The following NAA20 variants were observed in gnomAD, a reference collection of about 807,000 sequenced individuals.
NAA20 encodes N-alpha-acetyltransferase 20, NatB catalytic subunit, also known as N-alpha-acetyltransferase 20.
In NAA20, 24 loss-of-function variants were observed where a neutral mutation model predicts 23.8. The observed-to-expected ratio is 1.01, with a 90% CI of 0.73 to 1.42. The LOEUF (loss-of-function observed/expected upper bound fraction) is 1.42. Among genes scored for constraint, NAA20 ranks in the 40% most tolerant of loss-of-function variants. The pLI is 0.00. For missense variants in NAA20, 166 were observed against 223.1 expected (o/e 0.74, Z 1.63); for synonymous variants, 83 against 77.7 (o/e 1.07, Z -0.36).
chr20:20,022,508 TTGAA>T (rs767083621), intron 2 of NAA20, 28 bp downstream of exon 2: 15 of 1,464,130 alleles, frequency 1.0e-5, no homozygotes, highest in African/African-American at 4.4e-5. Flanking sequence ...AAAAAAAAAG[TTGAA>T]TGAAGATTTA....
intron 2 of NAA20, among the ~76,000 whole-genome samples, chr20:20,024,289 T>G (rs2043292520): frequency 6.6e-6 from 1 of 152,200 alleles, no homozygotes; most frequent in Admixed American, 6.5e-5. Context: ...AACATTTTTT[T>G]GAGAAACAGG....
intron 4 of NAA20, among the ~76,000 whole-genome samples, chr20:20,032,297 T>TA (rs140676287): frequency 0.074 from 11,303 of 151,858 alleles, 598 homozygotes; most frequent in Middle Eastern, 0.16. Context: ...CATGCAAACA[T>TA]AAAGTCATGT....
At chr20:20,019,615 C>T (rs950074038) in intron 1 of NAA20, among the ~76,000 whole-genome samples, 7 of 152,178 alleles carry the variant, frequency 4.6e-5, no homozygotes, top group South Asian at 2.1e-4. Flanking sequence ...GACAGGGTCT[C>T]GCTCTGTTGC....
chr20:20,021,289 A>G (rs890023557), intron 1 of NAA20, among the ~76,000 whole-genome samples: 1 of 152,112 alleles, frequency 6.6e-6, no homozygotes, highest in African/African-American at 2.4e-5. Context: ...GGTTAGAGCT[A>G]TCTTCATGAT....
At position 20,032,646 on chromosome 20, in the gene NAA20, C is replaced by T. The variant is rs60685366; in HGVS notation, c.444C>T (p.Asp148=). The T allele has an allele frequency of 4.6e-4, 742 of 1,597,404 alleles. 2 individuals carry two copies. In the African/African-American group the frequency reaches 8.2e-3, roughly 18 times the overall value. ...CCAGCAACGGGGAGCCTGATGAGGA[C>T]GCTTATGGTAAGCTCCCTTCCATGG... The part of the protein sequence containing the change: ...YSASNGEPDE[D]AYDMRKALSR... Residue 148 remains aspartate, a synonymous_variant, in exon 5 of 6, where the codon GAC becomes GAT. Coordinates refer to ENST00000334982, the MANE Select transcript of NAA20 (RefSeq NM_016100.5).
chr20:20,017,852 C>T, intron 1 of NAA20: 1 of 1,540,884 alleles, frequency 6.5e-7, no homozygotes, highest in African/African-American at 1.3e-5. Flanking sequence ...GTGGCCGGGC[C>T]GCGCCTCTTC....
chr20:20,031,504 C>T (rs1018918647), intron 4 of NAA20, among the ~76,000 whole-genome samples: 1 of 152,086 alleles, frequency 6.6e-6, no homozygotes, highest in African/African-American at 2.4e-5. Context: ...CAGAGTGTCT[C>T]TGTGGCCTCA....
intron 2 of NAA20, chr20:20,022,732 C>G: frequency 2.5e-6 from 1 of 397,828 alleles, no homozygotes; most frequent in South Asian, 3.6e-5. Flanking sequence ...CAACCTTGCC[C>G]CTCAGGAGTC....
At chr20:20,017,487 G>T (rs750641133) in intron 1 of NAA20, 38 bp downstream of exon 1, 7 of 1,569,274 alleles carry the variant, frequency 4.5e-6, no homozygotes, top group Non-Finnish European at 6.0e-6. Flanking sequence ...GCTCTTGGCC[G>T]GGCCTCGCTT....
intron 5 of NAA20, 45 bp downstream of exon 5, chr20:20,032,698 TAC>T: frequency 6.6e-7 from 1 of 1,524,454 alleles, no homozygotes. Flanking sequence ...TCGAAACAGT[TAC>T]ATTCTTTCTA....
chr20:20,017,309 C>A (rs1011277333), upstream of NAA20: 8 of 1,559,170 alleles, frequency 5.1e-6, no homozygotes, highest in South Asian at 4.6e-5. Flanking sequence ...CCGTCTCGCT[C>A]GGTTCCGCGG....
chr20:20,018,240 A>G (rs1171003048), intron 1 of NAA20: 17 of 631,622 alleles, frequency 2.7e-5, no homozygotes, highest in South Asian at 2.6e-4. Context: ...TTTATTATGA[A>G]GATTCCCACA....
At chr20:20,027,064 A>T in intron 4 of NAA20, 145 bp downstream of exon 4, 1 of 1,175,332 alleles carries the variant, frequency 8.5e-7, no homozygotes, top group Non-Finnish European at 1.2e-6. Context: ...ATTCTATCAC[A>T]TAGTCAAAGT....
At chr20:20,028,417 C>A (rs1484650082) in intron 4 of NAA20, among the ~76,000 whole-genome samples, 1 of 151,938 alleles carries the variant, frequency 6.6e-6, no homozygotes, top group South Asian at 2.1e-4. Flanking sequence ...AGCAAACCAC[C>A]ATGGCACGCG....
intron 4 of NAA20, among the ~76,000 whole-genome samples, chr20:20,031,674 G>T (rs2043344674): frequency 6.6e-6 from 1 of 152,076 alleles, no homozygotes; most frequent in Non-Finnish European, 1.5e-5. Context: ...ACACAGTATT[G>T]AATATTCACA....
intron 1 of NAA20, chr20:20,018,861 T>C: frequency 1.0e-6 from 1 of 985,172 alleles, no homozygotes; most frequent in South Asian, 4.7e-5. Flanking sequence ...ACAAGTGAAT[T>C]GGCCCAGGTG....
intron 4 of NAA20, among the ~76,000 whole-genome samples, chr20:20,028,392 C>T (rs947821551): frequency 2.6e-5 from 4 of 151,996 alleles, no homozygotes; most frequent in African/African-American, 9.6e-5. Context: ...ATGTAGATGA[C>T]GAGTTGATGG....
At position 20,019,204 on chromosome 20, in the gene NAA20, A is replaced by C. The variant is rs559042770; in HGVS notation, c.53+1755A>C. Among the ~76,000 whole-genome samples, 47 of 152,368 alleles carry C rather than the reference A, an allele frequency of 3.1e-4. No homozygotes were observed. In the South Asian group the frequency reaches 9.3e-3, roughly 30 times the overall value. ...CAGAGAGAAATGATGAAGCCAGTGT[A>C]GCAAAGTGTTCACTGTAGAATCCAG... On this transcript the variant is annotated intron_variant, in intron 1 of 5. Coordinates refer to ENST00000334982, the MANE Select transcript of NAA20 (RefSeq NM_016100.5).
At chr20:20,027,857 C>T (rs1370723556) in intron 4 of NAA20, among the ~76,000 whole-genome samples, 1 of 151,872 alleles carries the variant, frequency 6.6e-6, no homozygotes, top group African/African-American at 2.4e-5. Flanking sequence ...CTCGTATCTT[C>T]ATTCTAGAAG....
Sources: allele counts gnomAD v4.1 joint callset (sites outside exome capture counted in the v4.1 genomes callset), GRCh38; gene constraint gnomAD v4.1.1; transcripts MANE v1.5; gene names NCBI Gene and HGNC (gene_info 2026-07-23, HGNC 2026-07-21).